The following TBCK variants were observed in gnomAD, a reference collection of about 807,000 sequenced individuals.
TBCK encodes TBC1 domain containing kinase, also known as TBC domain-containing protein kinase-like protein.
A neutral mutation model predicts 113.4 loss-of-function variants in TBCK; 99 were observed. That is an observed-to-expected ratio of 0.87 (90% CI 0.74 to 1.03). The LOEUF (loss-of-function observed/expected upper bound fraction) is 1.03. Among genes scored for constraint, TBCK ranks in the 50% least tolerant of loss-of-function variants. TBCK has a pLI of 0.00. For synonymous variants in TBCK, 369 were observed against 370.8 expected (o/e 1.00, Z 0.05); for missense variants, 1,045 against 1,061.3 (o/e 0.98, Z 0.21).
chr4:106,078,238 G>A (rs931256025), intron 25 of TBCK, among the ~76,000 whole-genome samples: 5 of 151,918 alleles, frequency 3.3e-5, no homozygotes, highest in African/African-American at 9.7e-5. Flanking sequence ...TATAAAAATA[G>A]GAACAAACCA....
intron 25 of TBCK, among the ~76,000 whole-genome samples, chr4:106,068,472 A>G (rs1578797926): frequency 6.6e-6 from 1 of 152,214 alleles, no homozygotes; most frequent in Non-Finnish European, 1.5e-5. Flanking sequence ...TAGAGAAGAC[A>G]TGAACTCATC....
intron 23 of TBCK, among the ~76,000 whole-genome samples, chr4:106,138,079 C>T (rs1746774740): frequency 7.1e-6 from 1 of 140,982 alleles, no homozygotes; most frequent in African/African-American, 2.5e-5. Flanking sequence ...ACAAAGATGG[C>T]ATATATACTT....
chr4:106,194,499 A>G (rs1753997713), intron 21 of TBCK, among the ~76,000 whole-genome samples: 1 of 152,040 alleles, frequency 6.6e-6, no homozygotes, highest in Admixed American at 6.6e-5. Context: ...TACAAATATC[A>G]TGAAATGTCC....
chr4:106,196,247 TAGA>T (rs1241734754), intron 20 of TBCK, among the ~76,000 whole-genome samples: 2 of 151,862 alleles, frequency 1.3e-5, no homozygotes, highest in African/African-American at 2.4e-5. Context: ...TTTCAAATTT[TAGA>T]AGGTTTTAGA....
Position 106,235,358 on chromosome 4 carries a change from A to C in TBCK, c.1360T>G (p.Tyr454Asp). 6.2e-7 allele frequency: 1 copy of C among 1,605,086 alleles called. No homozygotes were observed. Among genetic ancestry groups the C allele is most frequent in the Non-Finnish European group, 8.5e-7 (1 of 1,174,846 alleles). The change falls in exon 15 of 26, where the codon TAT (tyrosine) becomes GAT (aspartate). Residue 454 changes from tyrosine (Y) to aspartate (D), a missense_variant. Transcript: ENST00000394708. ...LFDRLLKAYP[Y>D]KKNQIWKEAR... ...TCTTTCCAGATTTGGTTTTTTTTAT[A>C]TGGATAAGCCTATGATATCAAAAAA...
intron 25 of TBCK, among the ~76,000 whole-genome samples, chr4:106,091,095 G>A (rs1221439881): frequency 1.3e-5 from 2 of 152,062 alleles, no homozygotes; most frequent in African/African-American, 2.4e-5. Flanking sequence ...CTGAGACTGG[G>A]CAATCTATTA....
rs35695611 is a variant in TBCK, at chr4:106,197,411, G to GTGTGTATATATA, written c.1861-2658_1861-2657insTATATATACACA. Among the ~76,000 whole-genome samples the GTGTGTATATATA allele has an allele frequency of 3.2e-3, 390 of 122,448 alleles. 2 individuals carry two copies. The highest frequency in any genetic ancestry group is 8.5e-3 in the East Asian group (37 of 4,338). The allele number at this position is 122,448 out of a possible 152,430, so 80.3% of individuals were successfully genotyped here. On this transcript the variant is annotated intron_variant, in intron 20 of 25. Transcript: ENST00000394708. Reference sequence around the variant, plus strand: ...AGTGTGTGTGTGTGTGTGTGTGTGTGTATATATATATATATATATATAATA... The same window carrying GTGTGTATATATA: ...AGTGTGTGTGTGTGTGTGTGTGTGTGTGTGTATATATATATATATATATATATATATATAATA...
At chr4:106,149,435 T>C (rs960280924) in intron 23 of TBCK, among the ~76,000 whole-genome samples, 1 of 152,224 alleles carries the variant, frequency 6.6e-6, no homozygotes. Context: ...TTCCTTTCAC[T>C]TGAACACTTT....
intron 24 of TBCK, among the ~76,000 whole-genome samples, chr4:106,106,730 A>C (rs1016583380): frequency 2.6e-5 from 4 of 152,140 alleles, no homozygotes; most frequent in Non-Finnish European, 4.4e-5. Flanking sequence ...CAACCACACA[A>C]ACAAGCCAAC....
chr4:106,132,649 GAAAAGCCAC>G (rs1463172760), intron 23 of TBCK, among the ~76,000 whole-genome samples: 1 of 152,208 alleles, frequency 6.6e-6, no homozygotes, highest in African/African-American at 2.4e-5. Context: ...TGTGAGCCTG[GAAAAGCCAC>G]AGACACTCAA....
rs745470875 is a variant in TBCK at position 106,295,077 on chromosome 4, C to G, written c.266+17G>C. On this transcript the variant is annotated intron_variant, in intron 3 of 25. Transcript: ENST00000394708. ...AAGTTCTGCTTTTCATTTAATTGTT[C>G]TGATACTATACAGTACCTCACAGGT... The G allele has an allele frequency of 6.4e-7, 1 of 1,573,378 alleles. No homozygotes were observed. Among genetic ancestry groups the G allele is most frequent in the Admixed American group, 1.8e-5 (1 of 56,522 alleles).
At chr4:106,203,133 T>A (rs193061031) in intron 20 of TBCK, among the ~76,000 whole-genome samples, 1 of 151,918 alleles carries the variant, frequency 6.6e-6, no homozygotes, top group African/African-American at 2.4e-5. Context: ...GTTATAACCA[T>A]GCAAGTGCAA....
At chr4:106,189,362 A>AAAAG (rs147343707) in intron 22 of TBCK, among the ~76,000 whole-genome samples, 26,179 of 148,048 alleles carry the variant, frequency 0.18, 2,456 homozygotes, top group South Asian at 0.24. Flanking sequence ...AAAAAAAAGA[A>AAAAG]AAATAGACAT....
At chr4:106,093,552 T>G (rs1740562832) in intron 25 of TBCK, among the ~76,000 whole-genome samples, 1 of 152,180 alleles carries the variant, frequency 6.6e-6, no homozygotes, top group Admixed American at 6.5e-5. Flanking sequence ...AGTCCTGTAC[T>G]TCTGAGACAT....
At chr4:106,107,310 C>G (rs1304866516) in intron 24 of TBCK, among the ~76,000 whole-genome samples, 1 of 152,172 alleles carries the variant, frequency 6.6e-6, no homozygotes, top group Non-Finnish European at 1.5e-5. Context: ...ACAGACGTCT[C>G]CACCCCAAAC....
chr4:106,064,000 C>G (rs933104067), intron 25 of TBCK, among the ~76,000 whole-genome samples: 1 of 151,836 alleles, frequency 6.6e-6, no homozygotes, highest in Non-Finnish European at 1.5e-5. Context: ...ATGATCACCA[C>G]AATATCTTAA....
intron 19 of TBCK, among the ~76,000 whole-genome samples, chr4:106,223,638 A>T (rs1432872387): frequency 3.3e-5 from 5 of 152,126 alleles, no homozygotes; most frequent in African/African-American, 1.2e-4. Context: ...ACTTTCTCCT[A>T]ATTTCCCAGA....
chr4:106,296,110 C>T (rs924621317), intron 2 of TBCK, among the ~76,000 whole-genome samples: 1 of 152,112 alleles, frequency 6.6e-6, no homozygotes, highest in Admixed American at 6.5e-5. Flanking sequence ...CAAGATGGCA[C>T]AGTTCTAAGG....
At chr4:106,066,352 A>T (rs1253669727) in intron 25 of TBCK, among the ~76,000 whole-genome samples, 2 of 151,118 alleles carry the variant, frequency 1.3e-5, no homozygotes, top group African/African-American at 2.4e-5. Context: ...AGATTCACTT[A>T]AAAAAAAACC....
Sources: gnomAD v4.1 joint callset for allele counts (sites outside exome capture counted in the v4.1 genomes callset) on GRCh38, gnomAD v4.1.1 for gene constraint, MANE v1.5 for transcripts, NCBI Gene and HGNC (gene_info 2026-07-23, HGNC 2026-07-21) for gene names.